MTUS1: variants seen among roughly 807,000 people sequenced by gnomAD.
The protein encoded by MTUS1 is microtubule associated scaffold protein 1.
In MTUS1, 109 loss-of-function variants were observed where a neutral mutation model predicts 120.8. The ratio of observed to expected loss-of-function variants is 0.90; its 90% CI spans 0.77 to 1.06. The LOEUF (loss-of-function observed/expected upper bound fraction) is 1.06, where lower values mean the gene tolerates loss of function less well. Among genes scored for constraint, MTUS1 ranks in the 50% least tolerant of loss-of-function variants. The probability of loss-of-function intolerance (pLI) is 0.00; values close to 1 mark genes in which losing one functional copy is unlikely to be tolerated. For synonymous variants in MTUS1, 737 were observed against 550.5 expected, an observed-to-expected ratio of 1.34 and a Z score of -4.74; for missense variants, 2,210 against 1,486.3, an observed-to-expected ratio of 1.49 and a Z score of -8.01.
At chr8:17,670,834 A>G (rs144122256) in intron 8 of MTUS1, among the ~76,000 whole-genome samples, 30 of 152,320 alleles carry the variant, frequency 2.0e-4, no homozygotes, top group African/African-American at 7.2e-4. Flanking sequence ...AAAAAAAAAG[A>G]TTGGAGCAGA....
chr8:17,733,330 G>A (rs577271625), intron 3 of MTUS1, among the ~76,000 whole-genome samples: 7 of 149,730 alleles, frequency 4.7e-5, no homozygotes, highest in South Asian at 2.1e-4. Context: ...CAGCCTGGGC[G>A]ACACAGCAAG....
chr8:17,749,456 C>T (rs188886951), intron 2 of MTUS1, among the ~76,000 whole-genome samples: 3 of 151,846 alleles, frequency 2.0e-5, no homozygotes, highest in East Asian at 1.9e-4. Flanking sequence ...GCCAGGAGTT[C>T]GAGACCGGCC....
chr8:17,661,882 T>G (rs1336476117), intron 8 of MTUS1, among the ~76,000 whole-genome samples: 1 of 152,216 alleles, frequency 6.6e-6, no homozygotes, highest in African/African-American at 2.4e-5. Flanking sequence ...ACAGCTGGGC[T>G]GCAGTAATCG....
rs369587513 is a variant in MTUS1 at position 17,755,307 on chromosome 8, T to G, written c.501A>C (p.Lys167Asn). Residue 167 changes from lysine to asparagine, a missense_variant, in exon 2 of 15, where the codon AAA becomes AAC. By Grantham distance (94) the Lys-to-Asn change is moderately conservative (BLOSUM62 0). Transcript: ENST00000693296. ...LNQTFDMTVD[K>N]VNCTFISHHA... The stretch of plus-strand genomic sequence containing the variant: ...GATGTGATATAAAGGTGCAGTTAAC[T>G]TTATCCACTGTCATGTCAAATGTTT... 6.2e-7 allele frequency: 1 copy of G among 1,614,212 alleles called. No individual in the cohort carries two copies.
At chr8:17,679,152 G>A (rs997640958) in intron 7 of MTUS1, among the ~76,000 whole-genome samples, 1 of 151,570 alleles carries the variant, frequency 6.6e-6, no homozygotes, top group Non-Finnish European at 1.5e-5. Flanking sequence ...CATAATCGAA[G>A]GCTCTAAAGC....
chr8:17,701,283 G>A (rs181673066), intron 6 of MTUS1, among the ~76,000 whole-genome samples: 77 of 152,072 alleles, frequency 5.1e-4, no homozygotes, highest in African/African-American at 1.7e-3. Context: ...CTCTATTCCA[G>A]TTGTAGAAAC....
chr8:17,768,075 T>C (rs1314885565), intron 1 of MTUS1, among the ~76,000 whole-genome samples: 3 of 152,222 alleles, frequency 2.0e-5, no homozygotes, highest in African/African-American at 7.2e-5. Context: ...ACAGGTCTGT[T>C]GAATTAAACA....
At chr8:17,752,861 G>A (rs1455159674) in intron 2 of MTUS1, among the ~76,000 whole-genome samples, 1 of 152,192 alleles carries the variant, frequency 6.6e-6, no homozygotes, top group African/African-American at 2.4e-5. Context: ...AAATAGGGCT[G>A]AGGACACATG....
intron 4 of MTUS1, among the ~76,000 whole-genome samples, chr8:17,721,559 A>T (rs1286322300): frequency 6.6e-6 from 1 of 152,244 alleles, no homozygotes; most frequent in Non-Finnish European, 1.5e-5. Flanking sequence ...AGAAGCATTC[A>T]CATCTTAAAT....
intron 1 of MTUS1, among the ~76,000 whole-genome samples, chr8:17,789,355 A>G (rs772251463): frequency 6.6e-6 from 1 of 152,162 alleles, no homozygotes; most frequent in Non-Finnish European, 1.5e-5. Context: ...AATTATATGC[A>G]GTTAGTTTTT....
intron 8 of MTUS1, chr8:17,674,401 A>C (rs1812646256): frequency 2.2e-6 from 2 of 916,838 alleles, no homozygotes; most frequent in South Asian, 1.0e-4. Flanking sequence ...GTCTGGTGAC[A>C]GAGCAAGATT....
chr8:17,649,720 C>A, intron 13 of MTUS1, 126 bp downstream of exon 13: 1 of 651,682 alleles, frequency 1.5e-6, no homozygotes, highest in Non-Finnish European at 2.7e-6. Context: ...TGAACTTTAT[C>A]TTTTGTATAA....
At chr8:17,675,679 T>G (rs1373226996) in intron 7 of MTUS1, among the ~76,000 whole-genome samples, 1 of 152,156 alleles carries the variant, frequency 6.6e-6, no homozygotes, top group Non-Finnish European at 1.5e-5. Flanking sequence ...TGTCCTATAT[T>G]TGCACATAAA....
At chr8:17,742,847 A>G (rs1161128381) in intron 3 of MTUS1, among the ~76,000 whole-genome samples, 2 of 152,186 alleles carry the variant, frequency 1.3e-5, no homozygotes, top group Non-Finnish European at 2.9e-5. Context: ...AACTATTTGT[A>G]TAAGGGAACT....
intron 8 of MTUS1, among the ~76,000 whole-genome samples, chr8:17,665,503 ATC>A (rs1371035998): frequency 7.4e-6 from 1 of 135,918 alleles, no homozygotes; most frequent in Admixed American, 7.9e-5. Flanking sequence ...ACGGAGCTGG[ATC>A]TACAACTCCA....
chr8:17,675,297 C>T (rs897674184), intron 7 of MTUS1, 45 bp from the exon 8 acceptor site: 1 of 1,573,028 alleles, frequency 6.4e-7, no homozygotes, highest in Non-Finnish European at 8.7e-7. Context: ...CAAGAGGGTC[C>T]CTTTCAGTAA....
chr8:17,777,933 C>T (rs752539639), intron 1 of MTUS1, among the ~76,000 whole-genome samples: 1 of 152,072 alleles, frequency 6.6e-6, no homozygotes, highest in African/African-American at 2.4e-5. Context: ...ATGCAGTTTA[C>T]AAAACTAGGA....
intron 13 of MTUS1, among the ~76,000 whole-genome samples, chr8:17,648,985 G>A (rs552839921): frequency 2.0e-5 from 3 of 152,358 alleles, no homozygotes; most frequent in African/African-American, 7.2e-5. Flanking sequence ...CACTGAACAT[G>A]CCACTCACAC....
chr8:17,733,067 C>T (rs1193907709), intron 3 of MTUS1, among the ~76,000 whole-genome samples: 2 of 152,038 alleles, frequency 1.3e-5, no homozygotes, highest in South Asian at 2.1e-4. Context: ...ATACATGATC[C>T]ACGCTGGGCA....
Sources: allele counts gnomAD v4.1 joint callset (sites outside exome capture counted in the v4.1 genomes callset), GRCh38; gene constraint gnomAD v4.1.1; transcripts MANE v1.5; gene names NCBI Gene and HGNC (gene_info 2026-07-23, HGNC 2026-07-21).